PSME4: variants seen among roughly 807,000 people sequenced by gnomAD.
PSME4 encodes the protein proteasome activator subunit 4.
Under a neutral mutation model 253.9 loss-of-function variants are expected in PSME4, and 89 were observed. That is an observed-to-expected ratio of 0.35 (90% CI 0.30 to 0.42). The LOEUF (loss-of-function observed/expected upper bound fraction) is 0.42. Among genes scored for constraint, PSME4 ranks in the 10% least tolerant of loss-of-function variants. PSME4 has a pLI of 1.00. For synonymous variants in PSME4, 851 were observed against 759.2 expected, an observed-to-expected ratio of 1.12 and a Z score of -1.99; for missense variants, 2,014 against 2,195.2, an observed-to-expected ratio of 0.92 and a Z score of 1.65.
In PSME4 at chr2:53,893,765, G is replaced by T; in HGVS notation, c.3947C>A (p.Pro1316His). 6.2e-7 allele frequency: 1 copy of T among 1,609,400 alleles called. No individual in the cohort carries two copies. Residue 1316 changes from proline to histidine, a missense_variant, in exon 35 of 47, where the codon CCT becomes CAT. Physicochemically the swap from Pro to His is moderately conservative, Grantham distance 77. Transcript: ENST00000404125. ...EQIIFDHFSD[P>H]KFVEQLITFL... ...AGTAATTAACTGCTCAACAAATTTA[G>T]GATCAGAAAAATGATCAAATATAAT...
chr2:53,942,657 T>C (rs955948855), intron 3 of PSME4, among the ~76,000 whole-genome samples: 9 of 152,314 alleles, frequency 5.9e-5, no homozygotes, highest in African/African-American at 2.2e-4. Flanking sequence ...AAAGCAGGTA[T>C]ACGGCCCAGA....
chr2:53,894,031 C>T (rs888377696), intron 34 of PSME4, among the ~76,000 whole-genome samples: 6 of 152,154 alleles, frequency 3.9e-5, no homozygotes, highest in African/African-American at 1.4e-4. Flanking sequence ...CTATTTCTCA[C>T]ACTGTGAATT....
intron 2 of PSME4, 31 bp from the exon 3 acceptor site, chr2:53,948,568 T>C: frequency 5.5e-6 from 7 of 1,263,646 alleles, no homozygotes; most frequent in Non-Finnish European, 7.0e-6. Context: ...AATACCTATG[T>C]ATGCATATGT....
intron 4 of PSME4, among the ~76,000 whole-genome samples, chr2:53,939,735 T>C (rs1197217300): frequency 6.6e-6 from 1 of 152,230 alleles, no homozygotes; most frequent in Non-Finnish European, 1.5e-5. Flanking sequence ...ATGTAAAGTA[T>C]GGTATTCTTA....
At chr2:53,873,879 C>A (rs540529130) in intron 43 of PSME4, among the ~76,000 whole-genome samples, 12 of 152,130 alleles carry the variant, frequency 7.9e-5, no homozygotes, top group Admixed American at 3.9e-4. Flanking sequence ...GAAAACATGC[C>A]CAATTTTTCT....
intron 21 of PSME4, 95 bp from the exon 22 acceptor site, chr2:53,908,935 G>A (rs1667694784): frequency 2.2e-6 from 2 of 898,638 alleles, no homozygotes; most frequent in South Asian, 1.7e-5. Flanking sequence ...GAGGGATAAA[G>A]TATTGGAGAA....
chr2:53,942,850 T>A (rs1464688333), intron 3 of PSME4, among the ~76,000 whole-genome samples: 1 of 152,156 alleles, frequency 6.6e-6, no homozygotes, highest in African/African-American at 2.4e-5. Context: ...ACCCTATTAT[T>A]AAGGGTAAAA....
chr2:53,926,411 T>G (rs980225184), intron 12 of PSME4, among the ~76,000 whole-genome samples: 3 of 152,144 alleles, frequency 2.0e-5, no homozygotes, highest in African/African-American at 7.2e-5. Context: ...CTGTGGCTCA[T>G]GCCTGTAATC....
In PSME4 at chr2:53,865,581, A is replaced by G. The variant is rs546236551; in HGVS notation, c.*5-8T>C. On this transcript the variant is annotated splice_polypyrimidine_tract_variant and splice_region_variant and intron_variant, in intron 46 of 46. Coordinates refer to ENST00000404125, the MANE Select transcript of PSME4 (RefSeq NM_014614.3). ...GAAGTGAGGACTAGTCATCTGTATC[A>G]GGGAGGAAAAAATTTCAATTAGGTA... 1.7e-3 allele frequency: 263 copies of G among 152,850 alleles called. No individual in the cohort carries two copies. Among genetic ancestry groups the G allele is most frequent in the Non-Finnish European group, 1.6e-3 (107 of 68,456 alleles). 9.5% of individuals were successfully genotyped at this position (152,850 alleles called of 1,614,324 possible).
chr2:53,966,729 G>C (rs1670756131), intron 1 of PSME4, among the ~76,000 whole-genome samples: 1 of 152,128 alleles, frequency 6.6e-6, no homozygotes, highest in Admixed American at 6.5e-5. Flanking sequence ...TTGTTTTTAA[G>C]ATGGAGTCTC....
intron 15 of PSME4, 64 bp from the exon 16 acceptor site, chr2:53,923,182 C>T: frequency 2.0e-6 from 3 of 1,500,514 alleles, no homozygotes; most frequent in Non-Finnish European, 2.7e-6. Flanking sequence ...ATTATATTTT[C>T]AGTGGCAGTA....
At chr2:53,885,806 C>A (rs1326567377) in intron 40 of PSME4, 31 bp from the exon 41 acceptor site, 23 of 1,518,006 alleles carry the variant, frequency 1.5e-5, no homozygotes, top group Non-Finnish European at 5.5e-6. Flanking sequence ...CAGAGTAAGT[C>A]TTTGCCATTC....
rs766990817 is a variant in PSME4, at chr2:53,927,377, C to T, written c.1593+17G>A. 4 of 1,498,058 alleles carry T rather than the reference C, an allele frequency of 2.7e-6. No homozygotes were observed. The Admixed American group carries it at 6.7e-5, about 25-fold the overall frequency. The allele number at this position is 1,498,058 out of a possible 1,614,324, so 92.8% of individuals were successfully genotyped here. On this transcript the variant is annotated intron_variant, in intron 12 of 46. Coordinates refer to ENST00000404125, the MANE Select transcript of PSME4 (RefSeq NM_014614.3). ...TTAGAACATCTTAGCCCTTTTATAA[C>T]CATAAAATACCCTTACTTCTGTGAG...
chr2:53,919,979 T>C (rs1163770219), intron 19 of PSME4, among the ~76,000 whole-genome samples: 2 of 152,082 alleles, frequency 1.3e-5, no homozygotes, highest in Admixed American at 1.3e-4. Context: ...TAAAAAAAAT[T>C]AGAAAAAGAA....
chr2:53,939,168 C>T (rs1448627758), intron 4 of PSME4, among the ~76,000 whole-genome samples: 1 of 152,006 alleles, frequency 6.6e-6, no homozygotes, highest in Non-Finnish European at 1.5e-5. Flanking sequence ...ATACATTTGC[C>T]CAACATTGAG....
chr2:53,934,857 A>G (rs1669030198), intron 7 of PSME4, 130 bp from the exon 8 acceptor site: 1 of 709,582 alleles, frequency 1.4e-6, no homozygotes, highest in Non-Finnish European at 2.2e-6. Flanking sequence ...GTGAAATTAC[A>G]TAGTATTTAG....
At chr2:53,908,731 T>C in intron 22 of PSME4, 53 bp downstream of exon 22, 1 of 1,493,416 alleles carries the variant, frequency 6.7e-7, no homozygotes, top group South Asian at 1.2e-5. Flanking sequence ...AGATTAAAAT[T>C]CCAAAATACT....
intron 1 of PSME4, among the ~76,000 whole-genome samples, chr2:53,970,176 C>T (rs1321919605): frequency 1.3e-5 from 2 of 152,152 alleles, no homozygotes; most frequent in African/African-American, 4.8e-5. Context: ...CTCTTTGCCC[C>T]GCCTCTCCCA....
intron 20 of PSME4, 34 bp downstream of exon 20, chr2:53,919,117 A>G: frequency 6.3e-7 from 1 of 1,578,012 alleles, no homozygotes; most frequent in Non-Finnish European, 8.6e-7. Flanking sequence ...GACTTAAAAT[A>G]TATGTTAAGT....
Sources: gnomAD v4.1 joint callset for allele counts (sites outside exome capture counted in the v4.1 genomes callset) on GRCh38, gnomAD v4.1.1 for gene constraint, MANE v1.5 for transcripts, NCBI Gene and HGNC (gene_info 2026-07-23, HGNC 2026-07-21) for gene names.